The following NDRG1 variants were observed in gnomAD, a reference collection of about 807,000 sequenced individuals.
NDRG1 encodes the protein protein NDRG1.
In NDRG1, 32 loss-of-function variants were observed where a neutral mutation model predicts 56.9. That is an observed-to-expected ratio of 0.56 (90% CI 0.42 to 0.76). The LOEUF (loss-of-function observed/expected upper bound fraction) is 0.76. Ranked by LOEUF, NDRG1 falls within the 30% of genes least tolerant of loss-of-function variation. NDRG1 has a pLI of 0.00. For missense variants in NDRG1, 507 were observed against 545.7 expected (o/e 0.93, Z 0.71); for synonymous variants, 211 against 204.1 (o/e 1.03, Z -0.29).
At chr8:133,241,371 A>T (rs1855373183) in intron 15 of NDRG1, 1 of 158,072 alleles carries the variant, frequency 6.3e-6, no homozygotes, top group South Asian at 1.9e-4. Context: ...GCAAAATAAG[A>T]ACGAGTGAGT....
At chr8:133,295,581 CT>C (rs2130820664) in intron 1 of NDRG1, among the ~76,000 whole-genome samples, 1 of 152,350 alleles carries the variant, frequency 6.6e-6, no homozygotes, top group South Asian at 2.1e-4. Context: ...GGTTTGCCCC[CT>C]CTGTACCTTG....
In NDRG1 at chr8:133,244,398, A is replaced by T. The variant is rs2130676510; in HGVS notation, c.856-8T>A. 1 of 1,614,184 alleles carries T rather than the reference A, an allele frequency of 6.2e-7. No individual in the cohort carries two copies. Among genetic ancestry groups the T allele is most frequent in the Non-Finnish European group, 8.5e-7 (1 of 1,180,020 alleles). ...GCCGCCACAGTCCGCCATCTAGGAGAGAGGGAAGCTCGTTAGTGCCAAACA... is the reference window on the plus strand; with the variant it reads ...GCCGCCACAGTCCGCCATCTAGGAGTGAGGGAAGCTCGTTAGTGCCAAACA... On this transcript the variant is annotated splice_region_variant and splice_polypyrimidine_tract_variant and intron_variant, in intron 13 of 15. Transcript: ENST00000323851.
intron 3 of NDRG1, among the ~76,000 whole-genome samples, chr8:133,268,050 C>T (rs973188015): frequency 6.6e-6 from 1 of 152,084 alleles, no homozygotes; most frequent in Admixed American, 6.5e-5. Context: ...AGCCATGGAA[C>T]CAGAACTAAA....
At chr8:133,264,422 C>T in intron 4 of NDRG1, 125 bp downstream of exon 4, 2 of 835,394 alleles carry the variant, frequency 2.4e-6, no homozygotes, top group Non-Finnish European at 4.0e-6. Flanking sequence ...CTTCCCAGAA[C>T]AGCCCCAGGA....
At chr8:133,253,678 C>T (rs1315703972) in intron 9 of NDRG1, among the ~76,000 whole-genome samples, 1 of 152,200 alleles carries the variant, frequency 6.6e-6, no homozygotes, top group Non-Finnish European at 1.5e-5. Context: ...AAATGGAATA[C>T]TTCTCAGCAC....
intron 3 of NDRG1, among the ~76,000 whole-genome samples, chr8:133,273,116 C>A (rs762173330): frequency 6.6e-5 from 10 of 152,084 alleles, no homozygotes; most frequent in Non-Finnish European, 1.0e-4. Flanking sequence ...CCACTCCACA[C>A]GGAGGCCCTG....
chr8:133,262,261 C>T (rs1856698697), intron 4 of NDRG1, 94 bp from the exon 5 acceptor site: 6 of 1,490,746 alleles, frequency 4.0e-6, no homozygotes, highest in African/African-American at 2.8e-5. Context: ...TTGTTTCATT[C>T]CTATTCAGAA....
intron 2 of NDRG1, 60 bp from the exon 3 acceptor site, chr8:133,280,327 T>C (rs371994380): frequency 9.0e-6 from 14 of 1,547,686 alleles, no homozygotes; most frequent in African/African-American, 1.4e-5. Context: ...AGAAATAATA[T>C]TGGGACATAT....
chr8:133,262,180 A>C lies in NDRG1; in HGVS notation c.206-13T>G, dbSNP rs1170782785. The C allele has an allele frequency of 6.2e-7, 1 of 1,613,760 alleles. No individual in the cohort carries two copies. The highest frequency in any genetic ancestry group is 8.5e-7 in the Non-Finnish European group (1 of 1,180,014). On this transcript the variant is annotated splice_polypyrimidine_tract_variant and intron_variant, in intron 4 of 15. Coordinates refer to ENST00000323851, the MANE Select transcript of NDRG1 (RefSeq NM_006096.4). Reference sequence around the variant, plus strand: ...TAGCAGGTTTTGTCTGAAGAACAGCAGTGAGGGAGAGAAGAGAAAAAAGTA... The same window carrying C: ...TAGCAGGTTTTGTCTGAAGAACAGCCGTGAGGGAGAGAAGAGAAAAAAGTA...
At chr8:133,285,968 G>A (rs888638874) in intron 1 of NDRG1, among the ~76,000 whole-genome samples, 4 of 152,138 alleles carry the variant, frequency 2.6e-5, no homozygotes, top group South Asian at 2.1e-4. Context: ...CCCTGCCAAC[G>A]CCACCCCTCA....
chr8:133,275,607 C>T (rs989521398), intron 3 of NDRG1, among the ~76,000 whole-genome samples: 2 of 152,178 alleles, frequency 1.3e-5, no homozygotes, highest in Non-Finnish European at 2.9e-5. Flanking sequence ...TATCCCATCA[C>T]CTGGCTCCAT....
At chr8:133,247,514 T>G (rs760870921) in intron 12 of NDRG1, among the ~76,000 whole-genome samples, 5 of 152,260 alleles carry the variant, frequency 3.3e-5, no homozygotes, top group Non-Finnish European at 5.9e-5. Flanking sequence ...CTCTCTCCCC[T>G]GCCAGCTCAT....
chr8:133,293,651 A>G (rs1858558666), intron 1 of NDRG1, among the ~76,000 whole-genome samples: 1 of 152,200 alleles, frequency 6.6e-6, no homozygotes, highest in Admixed American at 6.5e-5. Flanking sequence ...AGCGGCATGT[A>G]TGACTACACC....
intron 1 of NDRG1, among the ~76,000 whole-genome samples, chr8:133,296,298 TC>T: frequency 6.6e-6 from 1 of 152,064 alleles, no homozygotes; most frequent in East Asian, 1.9e-4. Flanking sequence ...ATGACGCCAC[TC>T]CTAGCTCCAG....
At chr8:133,291,961 G>A (rs1858454268) in intron 1 of NDRG1, among the ~76,000 whole-genome samples, 1 of 152,216 alleles carries the variant, frequency 6.6e-6, no homozygotes, top group Non-Finnish European at 1.5e-5. Flanking sequence ...CAGGAAGAGG[G>A]AGGTGTCAGG....
intron 3 of NDRG1, among the ~76,000 whole-genome samples, chr8:133,266,588 A>C (rs1038625714): frequency 2.0e-5 from 3 of 152,158 alleles, no homozygotes; most frequent in African/African-American, 4.8e-5. Context: ...TCCATCTGTG[A>C]GTGACCCCCC....
chr8:133,241,853 T>C (rs936299133), intron 15 of NDRG1, 170 bp downstream of exon 15: 2 of 726,470 alleles, frequency 2.8e-6, no homozygotes, highest in East Asian at 5.3e-5. Context: ...AATGAGAGGC[T>C]AGATCCTCCA....
chr8:133,268,116 TTC>T (rs1418842827), intron 3 of NDRG1, among the ~76,000 whole-genome samples: 5 of 152,158 alleles, frequency 3.3e-5, no homozygotes, highest in African/African-American at 1.2e-4. Flanking sequence ...CTCACTCACT[TTC>T]TGTCCACAGG....
intron 1 of NDRG1, among the ~76,000 whole-genome samples, chr8:133,287,043 C>T (rs1858158218): frequency 6.6e-6 from 1 of 152,174 alleles, no homozygotes; most frequent in African/African-American, 2.4e-5. Flanking sequence ...CCTCAGTTCT[C>T]CCGAGTTGGG....
Sources: allele counts gnomAD v4.1 joint callset (sites outside exome capture counted in the v4.1 genomes callset), GRCh38; gene constraint gnomAD v4.1.1; transcripts MANE v1.5; gene names NCBI Gene and HGNC (gene_info 2026-07-23, HGNC 2026-07-21).